The following NFIB variants were observed in gnomAD, a reference collection of about 807,000 sequenced individuals.
NFIB encodes the protein nuclear factor I B, also known as nuclear factor 1 B-type.
Under a neutral mutation model 61.5 loss-of-function variants are expected in NFIB, and 11 were observed. The ratio of observed to expected loss-of-function variants is 0.18; its 90% confidence interval spans 0.11 to 0.30. The LOEUF (loss-of-function observed/expected upper bound fraction) is 0.30. Ranked by LOEUF, NFIB falls within the 10% of genes least tolerant of loss-of-function variation. The probability of loss-of-function intolerance (pLI) is 1.00; values close to 1 mark genes in which losing one functional copy is unlikely to be tolerated. For missense variants in NFIB, 471 were observed against 608.9 expected, an observed-to-expected ratio of 0.77 and a Z score of 2.38; for synonymous variants, 260 against 216.5, an observed-to-expected ratio of 1.20 and a Z score of -1.76.
intron 1 of NFIB, among the ~76,000 whole-genome samples, chr9:14,371,731 G>C (rs2061360624): frequency 6.6e-6 from 1 of 152,208 alleles, no homozygotes; most frequent in African/African-American, 2.4e-5. Context: ...TTTGGTAGTA[G>C]CTACCCCCTT....
chr9:14,417,019 A>C, the NFIB span, among the ~76,000 whole-genome samples: 2 of 151,080 alleles, frequency 1.3e-5, no homozygotes, highest in East Asian at 1.9e-4. Context: ...CAGCCTCCCA[A>C]GTAGCTGGGA....
the NFIB span, among the ~76,000 whole-genome samples, chr9:14,491,009 A>G: frequency 6.6e-6 from 1 of 152,242 alleles, no homozygotes; most frequent in Non-Finnish European, 1.5e-5. Flanking sequence ...TAATTGTGTT[A>G]CATTCATTGA....
intron 2 of NFIB, among the ~76,000 whole-genome samples, chr9:14,195,292 T>C (rs1259137785): frequency 6.6e-6 from 1 of 152,228 alleles, no homozygotes; most frequent in Non-Finnish European, 1.5e-5. Flanking sequence ...CACTACCTAA[T>C]AAATGCACAA....
intron 2 of NFIB, among the ~76,000 whole-genome samples, chr9:14,269,111 G>A (rs2057420464): frequency 2.0e-5 from 3 of 151,662 alleles, no homozygotes; most frequent in East Asian, 1.9e-4. Context: ...CTCATGTTAC[G>A]AGGTCCTCTA....
chr9:14,222,678 C>A lies in NFIB; in HGVS notation c.563-42898G>T, dbSNP rs377176888. ...GGCATGGTGGCACACACCTATGGTC[C>A]CAGCCACTTGGGAGGCTGAGCTGGG... On this transcript the variant is annotated intron_variant, in intron 2 of 10. Transcript: ENST00000380953. Among the ~76,000 whole-genome samples the A allele has an allele frequency of 1.9e-4, 28 of 151,058 alleles. No homozygotes were observed. In the East Asian group the frequency reaches 2.0e-3, roughly 11 times the overall value.
intron 1 of NFIB, among the ~76,000 whole-genome samples, chr9:14,334,489 A>G (rs2060860658): frequency 6.6e-6 from 1 of 152,152 alleles, no homozygotes; most frequent in African/African-American, 2.4e-5. Context: ...CCTCTTTGAA[A>G]TGTCTGTTCA....
At chr9:14,261,936 T>C (rs1373370442) in intron 2 of NFIB, among the ~76,000 whole-genome samples, 1 of 152,190 alleles carries the variant, frequency 6.6e-6, no homozygotes, top group Non-Finnish European at 1.5e-5. Context: ...CCTCCTTTGC[T>C]TTGGGAGAGA....
chr9:14,432,862 G>A, the NFIB span, among the ~76,000 whole-genome samples: 1 of 152,176 alleles, frequency 6.6e-6, no homozygotes, highest in African/African-American at 2.4e-5. Flanking sequence ...TCTTTTCTTG[G>A]AAAGGGAGAA....
intron 1 of NFIB, among the ~76,000 whole-genome samples, chr9:14,345,243 G>A (rs1368295543): frequency 6.6e-6 from 1 of 152,180 alleles, no homozygotes; most frequent in African/African-American, 2.4e-5. Context: ...TTCCCACGGA[G>A]ACTCCTAGCT....
chr9:14,356,640 T>C (rs1056540974), intron 1 of NFIB, among the ~76,000 whole-genome samples: 8 of 152,032 alleles, frequency 5.3e-5, no homozygotes, highest in Non-Finnish European at 1.5e-5. Flanking sequence ...ACTCCTCTCT[T>C]GCACTCCACC....
intron 10 of NFIB, among the ~76,000 whole-genome samples, chr9:14,104,053 G>A (rs1367522618): frequency 6.6e-6 from 1 of 152,048 alleles, no homozygotes; most frequent in Non-Finnish European, 1.5e-5. Flanking sequence ...AAGTAGCTGG[G>A]ATTACAGGAG....
At chr9:14,231,133 A>ATATATATATATATATATATATATAT (rs1392498228) in intron 2 of NFIB, among the ~76,000 whole-genome samples, 1 of 67,214 alleles carries the variant, frequency 1.5e-5, no homozygotes, top group South Asian at 7.7e-4. Context: ...AAAAAAAAAA[A>ATATATATATATATATATATATATAT]AAATATATAT....
intron 2 of NFIB, among the ~76,000 whole-genome samples, chr9:14,296,697 C>G (rs2059465211): frequency 6.6e-6 from 1 of 152,234 alleles, no homozygotes; most frequent in Non-Finnish European, 1.5e-5. Context: ...GCACTCTGCT[C>G]CTGGGCTTCC....
intron 2 of NFIB, chr9:14,204,218 T>G (rs898361157): frequency 9.2e-6 from 5 of 540,950 alleles, no homozygotes; most frequent in African/African-American, 1.9e-5. Context: ...TGAGGAATGA[T>G]CTCTCTTTTC....
Position 14,186,897 on chromosome 9 carries a change from A to G in NFIB, c.563-7117T>C, listed in dbSNP as rs1315349988. ...TCTCTATTAGATGTGTATTAAAATA[A>G]GACAACGAAAGAACATGGGAAAACT... On this transcript the variant is annotated intron_variant, in intron 2 of 10. Coordinates refer to ENST00000380953, the MANE Select transcript of NFIB (RefSeq NM_001190737.2). Among the ~76,000 whole-genome samples the G allele has an allele frequency of 3.3e-5, 5 of 152,256 alleles. No homozygotes were observed. In the South Asian group the frequency reaches 8.3e-4, roughly 25 times the overall value.
At chr9:14,230,590 A>T (rs2053002274) in intron 2 of NFIB, among the ~76,000 whole-genome samples, 1 of 152,218 alleles carries the variant, frequency 6.6e-6, no homozygotes, top group Admixed American at 6.5e-5. Flanking sequence ...ACTTAACTAA[A>T]AATACATGAA....
At chr9:14,414,401 C>T in the NFIB span, among the ~76,000 whole-genome samples, 3 of 144,220 alleles carry the variant, frequency 2.1e-5, no homozygotes, top group Non-Finnish European at 3.0e-5. Flanking sequence ...CACCACTGCA[C>T]TCCAGCCTGC....
chr9:14,214,146 G>C (rs576767797), intron 2 of NFIB, among the ~76,000 whole-genome samples: 2 of 152,216 alleles, frequency 1.3e-5, no homozygotes, highest in African/African-American at 4.8e-5. Context: ...AGAAGCGACA[G>C]AGATAAGGAA....
chr9:14,372,059 G>A (rs915685519), intron 1 of NFIB, among the ~76,000 whole-genome samples: 3 of 151,766 alleles, frequency 2.0e-5, no homozygotes, highest in Non-Finnish European at 4.4e-5. Context: ...AGTTGGTAAG[G>A]ACCATCCCAA....
Sources: gnomAD v4.1 joint callset for allele counts (sites outside exome capture counted in the v4.1 genomes callset) on GRCh38, gnomAD v4.1.1 for gene constraint, MANE v1.5 for transcripts, NCBI Gene and HGNC (gene_info 2026-07-23, HGNC 2026-07-21) for gene names.